SCP2: variants seen among roughly 807,000 people sequenced by gnomAD.
SCP2 encodes the protein sterol carrier protein 2, also known as SCP-2/3-oxoacyl-CoA thiolase.
In SCP2, 48 loss-of-function variants were observed where a neutral mutation model predicts 71.4. The ratio of observed to expected loss-of-function variants is 0.67; its 90% confidence interval spans 0.53 to 0.86. The LOEUF (loss-of-function observed/expected upper bound fraction) is 0.86, where lower values mean the gene tolerates loss of function less well. SCP2 is among the 40% of genes least tolerant of loss of function. The pLI is 0.00. For synonymous variants in SCP2, 220 were observed against 218.1 expected (o/e 1.01, Z -0.08); for missense variants, 560 against 655.6 (o/e 0.85, Z 1.59).
chr1:52,960,158 G>A (rs1656208996), intron 5 of SCP2, among the ~76,000 whole-genome samples: 1 of 151,906 alleles, frequency 6.6e-6, no homozygotes, highest in Non-Finnish European at 1.5e-5. Context: ...CAAATTGCTG[G>A]GATTACAGGT....
intron 11 of SCP2, among the ~76,000 whole-genome samples, chr1:52,990,394 T>A (rs370076611): frequency 7.9e-5 from 12 of 152,080 alleles, no homozygotes; most frequent in African/African-American, 2.9e-4. Context: ...AGACTTTAAC[T>A]AGCTATTTTA....
intron 15 of SCP2, 25 bp from the exon 16 acceptor site, chr1:53,050,584 A>C: frequency 6.7e-7 from 1 of 1,490,070 alleles, no homozygotes. Context: ...AACACCAAGT[A>C]ATGAATTTTC....
At chr1:52,947,403 C>T (rs1439678019) in intron 2 of SCP2, among the ~76,000 whole-genome samples, 1 of 152,032 alleles carries the variant, frequency 6.6e-6, no homozygotes, top group African/African-American at 2.4e-5. Flanking sequence ...TGTCTGTTTG[C>T]TGCTCACTGT....
chr1:52,997,920 C>G lies in SCP2; in HGVS notation c.1081+9784C>G, dbSNP rs182735006. Among the ~76,000 whole-genome samples the G allele has an allele frequency of 5.9e-5, 9 of 152,328 alleles. No individual in the cohort carries two copies. The East Asian group carries it at 1.7e-3, about 29-fold the overall frequency. ...ATTTCTCTCTCACTCTCCACCACCA[C>G]CAGGCTGAGATGTTTGACTTCTCTC... On this transcript the variant is annotated intron_variant, in intron 11 of 15. Coordinates refer to ENST00000371514, the MANE Select transcript of SCP2 (RefSeq NM_002979.5).
At chr1:52,950,046 G>A (rs1378805280) in intron 3 of SCP2, among the ~76,000 whole-genome samples, 1 of 152,160 alleles carries the variant, frequency 6.6e-6, no homozygotes, top group Non-Finnish European at 1.5e-5. Context: ...ACTTTTTGAA[G>A]TTGTGGAATC....
At chr1:52,972,860 A>G (rs944275047) in intron 6 of SCP2, among the ~76,000 whole-genome samples, 1 of 152,214 alleles carries the variant, frequency 6.6e-6, no homozygotes, top group African/African-American at 2.4e-5. Context: ...CTGTACTGTG[A>G]TCCCATGTAA....
chr1:52,997,884 C>T (rs896231530), intron 11 of SCP2, among the ~76,000 whole-genome samples: 3 of 152,190 alleles, frequency 2.0e-5, no homozygotes. Flanking sequence ...ATCCTCTGGC[C>T]TCCCTGAAAC....
intron 2 of SCP2, among the ~76,000 whole-genome samples, chr1:52,942,076 CA>C (rs1460351876): frequency 1.3e-5 from 2 of 152,150 alleles, no homozygotes; most frequent in Non-Finnish European, 2.9e-5. Context: ...ATGTGCTATC[CA>C]AATATGTGTT....
intron 11 of SCP2, among the ~76,000 whole-genome samples, chr1:52,999,542 G>A (rs1660164507): frequency 6.6e-6 from 1 of 152,164 alleles, no homozygotes; most frequent in African/African-American, 2.4e-5. Context: ...AGATCTGGAT[G>A]AAAGTTTCTA....
At chr1:53,038,884 T>C (rs764822966) in intron 13 of SCP2, 33 bp from the exon 14 acceptor site, 1 of 1,612,904 alleles carries the variant, frequency 6.2e-7, no homozygotes, top group East Asian at 2.2e-5. Flanking sequence ...AGAAATGGAC[T>C]TAATGTAACC....
At chr1:52,977,883 C>T (rs986446709) in intron 8 of SCP2, among the ~76,000 whole-genome samples, 9 of 151,642 alleles carry the variant, frequency 5.9e-5, no homozygotes, top group Admixed American at 2.6e-4. Flanking sequence ...TCACTTGAAC[C>T]GGGGAGGAGG....
At chr1:53,025,138 A>C (rs1662031170) in intron 12 of SCP2, among the ~76,000 whole-genome samples, 1 of 151,984 alleles carries the variant, frequency 6.6e-6, no homozygotes, top group Admixed American at 6.6e-5. Context: ...TGTACTCTCC[A>C]TGTGCACATC....
intron 6 of SCP2, among the ~76,000 whole-genome samples, chr1:52,970,099 A>G (rs1657328376): frequency 6.6e-6 from 1 of 151,774 alleles, no homozygotes; most frequent in African/African-American, 2.4e-5. Context: ...TTCCATTTCT[A>G]TTTTCATTTT....
chr1:53,013,313 C>T (rs1661103423), intron 11 of SCP2, among the ~76,000 whole-genome samples: 1 of 149,220 alleles, frequency 6.7e-6, no homozygotes, highest in Admixed American at 6.8e-5. Context: ...AGGCCGGGTG[C>T]GGTGGCTCAT....
At chr1:52,972,075 C>T (rs759045337) in intron 6 of SCP2, among the ~76,000 whole-genome samples, 9 of 152,026 alleles carry the variant, frequency 5.9e-5, no homozygotes, top group South Asian at 2.1e-4. Context: ...ATTCTTCATT[C>T]GACAGATTTC....
At chr1:52,933,353 G>A (rs975604002) in intron 1 of SCP2, among the ~76,000 whole-genome samples, 31 of 152,132 alleles carry the variant, frequency 2.0e-4, no homozygotes, top group African/African-American at 1.2e-4. Context: ...TTGGGAGGCC[G>A]AGGCTTAATT....
intron 13 of SCP2, among the ~76,000 whole-genome samples, chr1:53,037,243 A>AT (rs1462535976): frequency 3.3e-5 from 5 of 151,872 alleles, no homozygotes; most frequent in Non-Finnish European, 7.4e-5. Context: ...TTCTCTAAAA[A>AT]TTTTTTTTCA....
chr1:52,995,485 G>C, intron 11 of SCP2: 1 of 434,480 alleles, frequency 2.3e-6, no homozygotes, highest in Admixed American at 2.8e-5. Flanking sequence ...AGTCAAACTG[G>C]TGCCCTTACC....
intron 2 of SCP2, among the ~76,000 whole-genome samples, chr1:52,944,594 T>C (rs894679412): frequency 7.9e-5 from 12 of 152,158 alleles, no homozygotes; most frequent in African/African-American, 2.9e-4. Context: ...TTTCTCTATA[T>C]TTTTTGACCA....
Sources: gnomAD v4.1 joint callset for allele counts (sites outside exome capture counted in the v4.1 genomes callset) on GRCh38, gnomAD v4.1.1 for gene constraint, MANE v1.5 for transcripts, NCBI Gene and HGNC (gene_info 2026-07-23, HGNC 2026-07-21) for gene names.